ISCA1: variants seen among roughly 807,000 people sequenced by gnomAD.
ISCA1 encodes the protein iron-sulfur cluster assembly 1 homolog, mitochondrial.
A neutral mutation model predicts 14.7 loss-of-function variants in ISCA1; 9 were observed. That is an observed-to-expected ratio of 0.61 (90% CI 0.37 to 1.07). The LOEUF is 1.07. Ranked by LOEUF, ISCA1 falls within the 50% of genes least tolerant of loss-of-function variation. ISCA1 has a pLI of 0.01. For synonymous variants in ISCA1, 38 were observed against 54.3 expected, an observed-to-expected ratio of 0.70 and a Z score of 1.32; for missense variants, 102 against 150.1, an observed-to-expected ratio of 0.68 and a Z score of 1.67.
At chr9:86,274,137 T>G (rs1825409719) in intron 2 of ISCA1, 52 bp downstream of exon 2, 1 of 999,358 alleles carries the variant, frequency 1.0e-6, no homozygotes, top group South Asian at 1.3e-5. Context: ...ATAAATTCAT[T>G]CTGAAAATGC....
intron 1 of ISCA1, among the ~76,000 whole-genome samples, chr9:86,279,785 C>T (rs1198207375): frequency 1.3e-5 from 2 of 152,214 alleles, no homozygotes; most frequent in Admixed American, 1.3e-4. Context: ...GACGGCATCA[C>T]TACTTTTGCA....
chr9:86,278,213 C>T (rs1055011469), intron 1 of ISCA1, among the ~76,000 whole-genome samples: 2 of 151,960 alleles, frequency 1.3e-5, no homozygotes, highest in Admixed American at 6.5e-5. Flanking sequence ...ATAAATAGAG[C>T]CAGTGAACAA....
At chr9:86,279,834 G>A (rs748750550) in intron 1 of ISCA1, among the ~76,000 whole-genome samples, 3 of 152,222 alleles carry the variant, frequency 2.0e-5, no homozygotes, top group Non-Finnish European at 2.9e-5. Context: ...AGCACAAAGA[G>A]CAATACATGC....
At chr9:86,280,923 G>A (rs1045083515) in intron 1 of ISCA1, among the ~76,000 whole-genome samples, 1 of 151,296 alleles carries the variant, frequency 6.6e-6, no homozygotes, top group African/African-American at 2.4e-5. Context: ...GTGAGACCCT[G>A]TCTCCAAAAA....
At chr9:86,268,967 T>C (rs1415340101) in intron 3 of ISCA1, among the ~76,000 whole-genome samples, 2 of 152,070 alleles carry the variant, frequency 1.3e-5, no homozygotes, top group African/African-American at 4.8e-5. Context: ...GTTAATTTTT[T>C]GTATTTTTAG....
At chr9:86,276,123 CTTGT>C (rs1297781894) in intron 1 of ISCA1, among the ~76,000 whole-genome samples, 5 of 152,036 alleles carry the variant, frequency 3.3e-5, no homozygotes, top group Admixed American at 2.6e-4. Flanking sequence ...GAGCCCTGAG[CTTGT>C]TTTTCTGCAA....
rs1421251989 is a variant in ISCA1, at chr9:86,265,679, T to C, written c.*364A>G. 3 of 244,124 alleles carry C rather than the reference T, an allele frequency of 1.2e-5. No homozygotes were observed. Among genetic ancestry groups the C allele is most frequent in the Non-Finnish European group, 2.4e-5 (3 of 122,460 alleles). 15.1% of individuals were successfully genotyped at this position (244,124 alleles called of 1,614,324 possible). ...GCAGTCACGATGTCCTGTCTCAGAT[T>C]TTAGGAGTCACCGATCTGGTTGGGA... is the stretch of plus-strand genomic sequence containing the variant. On this transcript the variant is annotated 3_prime_UTR_variant, in exon 4 of 4. Coordinates refer to ENST00000375991, the MANE Select transcript of ISCA1 (RefSeq NM_030940.4).
rs1262714330 is a variant in ISCA1, at chr9:86,265,254, G to A, written c.*789C>T. On this transcript the variant is annotated 3_prime_UTR_variant, in exon 4 of 4. Coordinates refer to ENST00000375991, the MANE Select transcript of ISCA1 (RefSeq NM_030940.4). ...GTGTCACCTACAAGGGGAGAGGGGG[G>A]TAGAGTCCCTACTCTCCCCCGGCCT... 2.0e-5 allele frequency: 3 copies of A among 152,232 alleles called. No homozygotes were observed. Among genetic ancestry groups the A allele is most frequent in the African/African-American group, 7.2e-5 (3 of 41,456 alleles). 9.4% of individuals were successfully genotyped at this position (152,232 alleles called of 1,614,324 possible). A position where few individuals can be genotyped will look rare whatever the true frequency, so the allele number is the denominator to read the frequency against.
At chr9:86,268,556 G>A (rs535799032) in intron 3 of ISCA1, among the ~76,000 whole-genome samples, 2 of 151,860 alleles carry the variant, frequency 1.3e-5, no homozygotes, top group Admixed American at 6.6e-5. Context: ...ATAGTACTAC[G>A]GAGGAACGTC....
intron 1 of ISCA1, among the ~76,000 whole-genome samples, chr9:86,275,611 G>A (rs1825431756): frequency 1.3e-5 from 2 of 152,194 alleles, no homozygotes; most frequent in Admixed American, 6.5e-5. Context: ...ACTTAAAAAC[G>A]TGAATGTTGT....
At position 86,266,055 on chromosome 9, in the gene ISCA1, G is replaced by A. The variant is rs1324368522; in HGVS notation, c.378C>T (p.Ser126=). 5.0e-6 allele frequency: 8 copies of A among 1,611,702 alleles called. No individual in the cohort carries two copies. The highest frequency in any genetic ancestry group is 2.2e-5 in the East Asian group (1 of 44,886). Residue 126 remains serine (S), a synonymous_variant, in exon 4 of 4, where the codon AGC becomes AGT. Transcript: ENST00000375991. ...GAGTCCTGAGATTTCAAATATTAAA[G>A]CTTTCTCCACAGCCACAAGTCCCTT... ...NIKGTCGCGE[S]FNI
chr9:86,282,170 AG>A, intron 1 of ISCA1: 8 of 585,658 alleles, frequency 1.4e-5, no homozygotes, highest in African/African-American at 2.1e-5. Flanking sequence ...TCCGGGGCCA[AG>A]AGAGCAGCCC....
At chr9:86,278,384 G>A (rs529294616) in intron 1 of ISCA1, among the ~76,000 whole-genome samples, 72 of 152,218 alleles carry the variant, frequency 4.7e-4, no homozygotes, top group Admixed American at 2.6e-3. Flanking sequence ...ATATTTGTAG[G>A]CCAGGTGTGG....
At chr9:86,268,737 A>G (rs1201495656) in intron 3 of ISCA1, among the ~76,000 whole-genome samples, 1 of 150,904 alleles carries the variant, frequency 6.6e-6, no homozygotes, top group Non-Finnish European at 1.5e-5. Context: ...AGGTCTCGCT[A>G]TGTTGCCCAG....
At chr9:86,282,113 C>T (rs1308525385) in intron 1 of ISCA1, 2 of 511,442 alleles carry the variant, frequency 3.9e-6, no homozygotes, top group Non-Finnish European at 6.9e-6. Flanking sequence ...CCGGGATCCC[C>T]TCCGGCCCGC....
intron 1 of ISCA1, among the ~76,000 whole-genome samples, chr9:86,279,474 A>G (rs923297543): frequency 1.3e-5 from 2 of 152,218 alleles, no homozygotes; most frequent in African/African-American, 2.4e-5. Context: ...TCTGATAATG[A>G]CAGCATTGAA....
At chr9:86,274,472 C>A (rs908811277) in intron 1 of ISCA1, among the ~76,000 whole-genome samples, 5 of 152,126 alleles carry the variant, frequency 3.3e-5, no homozygotes, top group Non-Finnish European at 5.9e-5. Flanking sequence ...TCTTGCTCCT[C>A]AGTCCAGGTT....
chr9:86,268,400 AT>A (rs761314215), intron 3 of ISCA1, among the ~76,000 whole-genome samples: 4 of 147,602 alleles, frequency 2.7e-5, no homozygotes, highest in Non-Finnish European at 4.5e-5. Flanking sequence ...AATTTTTGTT[AT>A]TTGTACAATG....
chr9:86,281,246 T>C (rs1341602648), intron 1 of ISCA1, among the ~76,000 whole-genome samples: 2 of 152,230 alleles, frequency 1.3e-5, no homozygotes, highest in African/African-American at 4.8e-5. Flanking sequence ...AGTAGTACCA[T>C]ATATAATCAG....
Sources: allele counts gnomAD v4.1 joint callset (sites outside exome capture counted in the v4.1 genomes callset), GRCh38; gene constraint gnomAD v4.1.1; transcripts MANE v1.5; gene names NCBI Gene and HGNC (gene_info 2026-07-23, HGNC 2026-07-21).